The following RHOA variants were observed in gnomAD, a reference collection of about 807,000 sequenced individuals.
RHOA encodes the protein ras homolog family member A.
In RHOA, 3 loss-of-function variants were observed where a neutral mutation model predicts 17.5. The ratio of observed to expected loss-of-function variants is 0.17; its 90% CI spans 0.08 to 0.44. The LOEUF (loss-of-function observed/expected upper bound fraction) is 0.44, where lower values mean the gene tolerates loss of function less well. Among genes scored for constraint, RHOA ranks in the 20% least tolerant of loss-of-function variants. RHOA has a pLI of 0.99. For missense variants in RHOA, 56 were observed against 242.3 expected (o/e 0.23, Z 5.10); for synonymous variants, 98 against 88.4 (o/e 1.11, Z -0.61).
chr3:49,368,653 T>C, intron 2 of RHOA, 105 bp from the exon 3 acceptor site: 2 of 1,215,142 alleles, frequency 1.6e-6, no homozygotes, highest in Non-Finnish European at 2.4e-6. Context: ...ACCATTGAAA[T>C]GGCAGACGGT....
At chr3:49,402,628 A>G (rs2048744630) in intron 1 of RHOA, among the ~76,000 whole-genome samples, 1 of 151,842 alleles carries the variant, frequency 6.6e-6, no homozygotes, top group African/African-American at 2.4e-5. Context: ...GAGCCACGAT[A>G]GCACCACTGC....
At chr3:49,364,904 G>A (rs1190491395) in intron 3 of RHOA, among the ~76,000 whole-genome samples, 1 of 151,258 alleles carries the variant, frequency 6.6e-6, no homozygotes, top group Non-Finnish European at 1.5e-5. Context: ...CCCGGGAGGC[G>A]GAGTGCAGTG....
intron 2 of RHOA, among the ~76,000 whole-genome samples, chr3:49,374,043 T>G (rs993672117): frequency 1.4e-4 from 22 of 152,220 alleles, no homozygotes; most frequent in African/African-American, 5.3e-4. Flanking sequence ...CAGGCTATTT[T>G]ATGTTAAAGT....
At chr3:49,400,842 A>T (rs975898704) in intron 1 of RHOA, among the ~76,000 whole-genome samples, 3 of 151,416 alleles carry the variant, frequency 2.0e-5, no homozygotes, top group Non-Finnish European at 4.4e-5. Flanking sequence ...TCAGGAGATC[A>T]AGACCATCCT....
intron 1 of RHOA, among the ~76,000 whole-genome samples, chr3:49,381,510 G>T (rs2048316574): frequency 6.6e-6 from 1 of 151,730 alleles, no homozygotes; most frequent in Non-Finnish European, 1.5e-5. Context: ...GGCAGGCGGA[G>T]GTTGCAGTGA....
intron 1 of RHOA, among the ~76,000 whole-genome samples, chr3:49,393,996 A>G (rs138757207): frequency 0.048 from 7,269 of 149,902 alleles, 247 homozygotes; most frequent in Non-Finnish European, 0.073. Flanking sequence ...TCAGCCTCCC[A>G]AGTAGCTAGG....
chr3:49,395,427 C>T (rs1422639076), intron 1 of RHOA, among the ~76,000 whole-genome samples: 1 of 151,918 alleles, frequency 6.6e-6, no homozygotes, highest in East Asian at 1.9e-4. Context: ...GAAACAAAGC[C>T]TGGCCGGGCA....
chr3:49,367,540 GCTCAT>G (rs1225585750), intron 3 of RHOA, among the ~76,000 whole-genome samples: 2 of 151,762 alleles, frequency 1.3e-5, no homozygotes, highest in African/African-American at 2.4e-5. Context: ...CATCTAGTTT[GCTCAT>G]CTTTTTTTTT....
chr3:49,385,647 T>C (rs2048384796), intron 1 of RHOA, among the ~76,000 whole-genome samples: 1 of 152,184 alleles, frequency 6.6e-6, no homozygotes, highest in Non-Finnish European at 1.5e-5. Flanking sequence ...TTTGGTGGCA[T>C]ATCTAAAATA....
intron 1 of RHOA, among the ~76,000 whole-genome samples, chr3:49,392,825 A>C (rs754500975): frequency 2.0e-5 from 3 of 152,168 alleles, no homozygotes; most frequent in Non-Finnish European, 2.9e-5. Flanking sequence ...TGGTCAAAGA[A>C]GACATATCCA....
chr3:49,394,487 A>G (rs2048578869), intron 1 of RHOA, among the ~76,000 whole-genome samples: 1 of 152,168 alleles, frequency 6.6e-6, no homozygotes, highest in Admixed American at 6.6e-5. Context: ...AGTAACTAGA[A>G]TTACAGGTGC....
At position 49,399,054 on chromosome 3, in the gene RHOA, C is replaced by CAAAAAAAAAAAAAAAAAAAAAAA. The variant is rs10530558; in HGVS notation, c.-3+12743_-3+12765dup. Among the ~76,000 whole-genome samples the CAAAAAAAAAAAAAAAAAAAAAAA allele has an allele frequency of 1.6e-4, 4 of 24,840 alleles. 1 individual carries two copies. The highest frequency in any genetic ancestry group is 1.3e-4 in the Non-Finnish European group (2 of 15,056). The allele number at this position is 24,840 out of a possible 152,430, so 16.3% of individuals were successfully genotyped here. On this transcript the variant is annotated intron_variant, in intron 1 of 4. Coordinates refer to ENST00000418115, the MANE Select transcript of RHOA (RefSeq NM_001664.4). ...TGCGTGACAGAGCAAGACTCCGTCT[C>CAAAAAAAAAAAAAAAAAAAAAAA]AAAAAAAAAAAAAAAAAAAAAAAAA...
chr3:49,397,759 G>A (rs141729768), intron 1 of RHOA, among the ~76,000 whole-genome samples: 1 of 152,092 alleles, frequency 6.6e-6, no homozygotes, highest in East Asian at 1.9e-4. Flanking sequence ...CTTGCAAGTG[G>A]AAGGGCTGAC....
intron 2 of RHOA, among the ~76,000 whole-genome samples, chr3:49,374,266 G>A (rs775203114): frequency 1.1e-4 from 16 of 152,092 alleles, no homozygotes; most frequent in Admixed American, 4.6e-4. Flanking sequence ...GGAGAACAGC[G>A]TGAACCCAGG....
intron 4 of RHOA, among the ~76,000 whole-genome samples, chr3:49,362,083 A>G (rs1310703304): frequency 1.3e-5 from 2 of 151,318 alleles, no homozygotes; most frequent in Non-Finnish European, 2.9e-5. Flanking sequence ...GCTACTCGGG[A>G]GTCTGAGGCA....
chr3:49,379,041 G>C (rs1029363381), intron 1 of RHOA, among the ~76,000 whole-genome samples: 9 of 152,116 alleles, frequency 5.9e-5, no homozygotes, highest in Non-Finnish European at 8.8e-5. Flanking sequence ...ATATATCTAA[G>C]AGAAACAAAA....
At chr3:49,377,271 GGAC>G (rs762460604) in intron 1 of RHOA, among the ~76,000 whole-genome samples, 5 of 151,382 alleles carry the variant, frequency 3.3e-5, no homozygotes, top group Non-Finnish European at 7.4e-5. Context: ...GAGAAAGGAA[GGAC>G]GGACGGAAGC....
Position 49,360,151 on chromosome 3 carries a change from A to G in RHOA, c.*58T>C. On this transcript the variant is annotated 3_prime_UTR_variant, in exon 5 of 5. Transcript: ENST00000418115. ...GAAAAAGGCCAGTAATCATACACTAAGATTAATAAACAGCACTTCAAAATT... is the reference window on the plus strand; with the variant it reads ...GAAAAAGGCCAGTAATCATACACTAGGATTAATAAACAGCACTTCAAAATT... The G allele has an allele frequency of 6.7e-7, 1 of 1,490,314 alleles. No homozygotes were observed. The highest frequency in any genetic ancestry group is 1.3e-5 in the South Asian group (1 of 79,774). 92.3% of individuals were successfully genotyped at this position (1,490,314 alleles called of 1,614,324 possible). A position where few individuals can be genotyped will look rare whatever the true frequency, so the allele number is the denominator to read the frequency against.
intron 1 of RHOA, among the ~76,000 whole-genome samples, chr3:49,387,117 CAAAAAAAAAAAAAAAAAAAAAAAAAAAAA>C (rs56262356): frequency 1.2e-4 from 3 of 24,610 alleles, no homozygotes; most frequent in Non-Finnish European, 1.4e-4. Flanking sequence ...AACTCCGTCT[CAAAAAAAAAAAAAAAAAAAAAAAAAAAAA>C]AAAAAAAAAA....
Sources: gnomAD v4.1 joint callset for allele counts (sites outside exome capture counted in the v4.1 genomes callset) on GRCh38, gnomAD v4.1.1 for gene constraint, MANE v1.5 for transcripts, NCBI Gene and HGNC (gene_info 2026-07-23, HGNC 2026-07-21) for gene names.